PTPRD: variants seen among roughly 807,000 people sequenced by gnomAD.
PTPRD encodes receptor-type tyrosine-protein phosphatase delta.
Under a neutral mutation model 214.5 loss-of-function variants are expected in PTPRD, and 34 were observed. The ratio of observed to expected loss-of-function variants is 0.16; its 90% CI spans 0.12 to 0.21. The LOEUF is 0.21. Among genes scored for constraint, PTPRD ranks in the 10% least tolerant of loss-of-function variants. The probability of loss-of-function intolerance (pLI) is 1.00; values close to 1 mark genes in which losing one functional copy is unlikely to be tolerated. For missense variants in PTPRD, 2,545 were observed against 2,398.7 expected (o/e 1.06, Z -1.27); for synonymous variants, 1,128 against 845.7 (o/e 1.33, Z -5.79).
chr9:9,387,434 C>T (rs976910891), intron 9 of PTPRD, among the ~76,000 whole-genome samples: 51 of 151,986 alleles, frequency 3.4e-4, no homozygotes, highest in Non-Finnish European at 6.8e-4. Flanking sequence ...TTATTCGTTT[C>T]CCCTTTTATA....
intron 4 of PTPRD, among the ~76,000 whole-genome samples, chr9:9,975,874 G>C (rs998944558): frequency 1.3e-5 from 2 of 152,168 alleles, no homozygotes; most frequent in African/African-American, 2.4e-5. Context: ...AAATCCGTAA[G>C]ATTTCTGTGA....
intron 5 of PTPRD, among the ~76,000 whole-genome samples, chr9:9,837,675 G>A (rs1033612750): frequency 2.7e-4 from 41 of 152,288 alleles, no homozygotes; most frequent in African/African-American, 8.9e-4. Flanking sequence ...CATGAGGGGA[G>A]TGGCTGTAAT....
chr9:9,962,483 G>A (rs1307835946), intron 4 of PTPRD, among the ~76,000 whole-genome samples: 10 of 151,936 alleles, frequency 6.6e-5, no homozygotes, highest in Non-Finnish European at 1.0e-4. Context: ...ACTTGTGTGA[G>A]AACATTTAAA....
intron 12 of PTPRD, among the ~76,000 whole-genome samples, chr9:8,640,224 A>C (rs952586907): frequency 6.6e-6 from 1 of 152,154 alleles, no homozygotes; most frequent in Non-Finnish European, 1.5e-5. Context: ...CCATCACGAC[A>C]CGCAGAGAAG....
At chr9:9,702,427 T>C (rs1214022208) in intron 7 of PTPRD, among the ~76,000 whole-genome samples, 7 of 152,198 alleles carry the variant, frequency 4.6e-5, no homozygotes, top group Admixed American at 4.6e-4. Flanking sequence ...TCAGATGTTC[T>C]AAAGATGACA....
chr9:9,128,455 A>G (rs1420426537), intron 10 of PTPRD, among the ~76,000 whole-genome samples: 1 of 152,204 alleles, frequency 6.6e-6, no homozygotes, highest in Non-Finnish European at 1.5e-5. Flanking sequence ...TACAAAACAT[A>G]TATTCAATTA....
chr9:9,538,737 T>A (rs2076995890), intron 8 of PTPRD, among the ~76,000 whole-genome samples: 1 of 151,868 alleles, frequency 6.6e-6, no homozygotes, highest in South Asian at 2.1e-4. Flanking sequence ...AGTTACCAAA[T>A]TATTTTTACT....
chr9:9,161,132 C>G (rs535093162), intron 10 of PTPRD, among the ~76,000 whole-genome samples: 2 of 151,930 alleles, frequency 1.3e-5, no homozygotes, highest in African/African-American at 4.8e-5. Context: ...CTCTATTGCA[C>G]GGCAGGGTGA....
At chr9:9,767,731 T>C (rs1028246432) in intron 5 of PTPRD, among the ~76,000 whole-genome samples, 2 of 152,060 alleles carry the variant, frequency 1.3e-5, no homozygotes, top group African/African-American at 4.8e-5. Flanking sequence ...TGGAGTAAAA[T>C]TTTTTGCTAT....
At chr9:9,083,230 G>C (rs891996150) in intron 10 of PTPRD, among the ~76,000 whole-genome samples, 1 of 151,954 alleles carries the variant, frequency 6.6e-6, no homozygotes, top group Admixed American at 6.6e-5. Context: ...CAGAACCCAG[G>C]CCGCAGAAAT....
intron 5 of PTPRD, among the ~76,000 whole-genome samples, chr9:9,838,893 G>T (rs1196813948): frequency 6.6e-6 from 1 of 151,990 alleles, no homozygotes; most frequent in East Asian, 1.9e-4. Flanking sequence ...GATTTTTATG[G>T]TTTTAGGTCT....
intron 3 of PTPRD, among the ~76,000 whole-genome samples, chr9:10,175,168 G>A (rs1593185868): frequency 6.6e-6 from 1 of 152,026 alleles, no homozygotes; most frequent in Non-Finnish European, 1.5e-5. Context: ...TCAGGATGCT[G>A]TGCCTGCAAT....
intron 12 of PTPRD, among the ~76,000 whole-genome samples, chr9:8,658,234 A>C (rs1011782741): frequency 6.6e-6 from 1 of 152,218 alleles, no homozygotes; most frequent in Admixed American, 6.5e-5. Flanking sequence ...TAAAGGACTG[A>C]TGTTTTCTTA....
intron 35 of PTPRD, among the ~76,000 whole-genome samples, chr9:8,428,259 A>G (rs1287277963): frequency 6.6e-6 from 1 of 152,166 alleles, no homozygotes; most frequent in Non-Finnish European, 1.5e-5. Flanking sequence ...CATGTTCGTA[A>G]GGAATTGGGC....
intron 7 of PTPRD, among the ~76,000 whole-genome samples, chr9:9,635,844 T>C (rs1177087630): frequency 6.6e-6 from 1 of 152,096 alleles, no homozygotes; most frequent in Non-Finnish European, 1.5e-5. Flanking sequence ...CTTCTCTACA[T>C]TTTCACTACC....
intron 11 of PTPRD, among the ~76,000 whole-genome samples, chr9:8,978,743 T>C (rs1382605624): frequency 1.3e-5 from 2 of 152,006 alleles, no homozygotes; most frequent in Admixed American, 1.3e-4. Flanking sequence ...CAAGGAACAA[T>C]GGAGGAAATA....
At chr9:8,734,049 C>T in intron 11 of PTPRD, 103 bp from the exon 12 acceptor site, 2 of 590,666 alleles carry the variant, frequency 3.4e-6, no homozygotes, top group Non-Finnish European at 3.0e-6. Context: ...ATGACAGACA[C>T]AATCCATTGT....
intron 9 of PTPRD, among the ~76,000 whole-genome samples, chr9:9,366,759 G>A (rs1164442898): frequency 6.6e-6 from 1 of 150,994 alleles, no homozygotes; most frequent in African/African-American, 2.4e-5. Flanking sequence ...GTAAAAAAGA[G>A]GTTACAAAAA....
At chr9:9,750,076 T>C (rs1242332709) in intron 6 of PTPRD, among the ~76,000 whole-genome samples, 3 of 152,130 alleles carry the variant, frequency 2.0e-5, no homozygotes, top group African/African-American at 7.2e-5. Flanking sequence ...ATGATTAATG[T>C]AAAGCAGTTT....
Sources: gnomAD v4.1 joint callset for allele counts (sites outside exome capture counted in the v4.1 genomes callset) on GRCh38, gnomAD v4.1.1 for gene constraint, MANE v1.5 for transcripts, NCBI Gene and HGNC (gene_info 2026-07-23, HGNC 2026-07-21) for gene names.